Variants in REEP1 observed in about 807,000 individuals in gnomAD.
REEP1 encodes the protein receptor accessory protein 1.
Under a neutral mutation model 40.3 loss-of-function variants are expected in REEP1, and 22 were observed. The ratio of observed to expected loss-of-function variants is 0.55; its 90% CI spans 0.39 to 0.78. The LOEUF (loss-of-function observed/expected upper bound fraction) is 0.78. Ranked by LOEUF, REEP1 falls within the 30% of genes least tolerant of loss-of-function variation. The pLI is 0.00. For synonymous variants in REEP1, 116 were observed against 139.2 expected, an observed-to-expected ratio of 0.83 and a Z score of 1.17; for missense variants, 280 against 361.1, an observed-to-expected ratio of 0.78 and a Z score of 1.82.
At chr2:86,239,556 G>A (rs1319159723) in intron 5 of REEP1, among the ~76,000 whole-genome samples, 4 of 152,158 alleles carry the variant, frequency 2.6e-5, no homozygotes, top group Non-Finnish European at 5.9e-5. Context: ...CAAACCCCAT[G>A]GGGTGCCCGC....
intron 1 of REEP1, among the ~76,000 whole-genome samples, chr2:86,288,463 G>T (rs1266358597): frequency 6.6e-6 from 1 of 152,148 alleles, no homozygotes; most frequent in Non-Finnish European, 1.5e-5. Flanking sequence ...AGTTTTTTTA[G>T]ATTCTTTTTA....
chr2:86,248,210 G>A (rs1448235048), intron 5 of REEP1, among the ~76,000 whole-genome samples: 5 of 152,144 alleles, frequency 3.3e-5, no homozygotes, highest in Non-Finnish European at 5.9e-5. Context: ...TCTCTTCCAG[G>A]AATGATCCTA....
intron 1 of REEP1, among the ~76,000 whole-genome samples, chr2:86,290,142 G>A (rs759149325): frequency 5.3e-5 from 8 of 152,152 alleles, no homozygotes; most frequent in Middle Eastern, 3.4e-3. Context: ...GATTACAGGC[G>A]TGCACCACCA....
chr2:86,295,666 A>C (rs1197639337), intron 1 of REEP1, among the ~76,000 whole-genome samples: 1 of 152,082 alleles, frequency 6.6e-6, no homozygotes, highest in Non-Finnish European at 1.5e-5. Flanking sequence ...CAGCCTCCCG[A>C]GTAGCTGGGA....
At chr2:86,306,118 T>C (rs1042531777) in intron 1 of REEP1, among the ~76,000 whole-genome samples, 2 of 152,184 alleles carry the variant, frequency 1.3e-5, no homozygotes, top group African/African-American at 4.8e-5. Flanking sequence ...CCATCACCTT[T>C]GAATGACACC....
At chr2:86,220,956 G>GCCCCTAC (rs1674390998) in intron 7 of REEP1, among the ~76,000 whole-genome samples, 1 of 152,106 alleles carries the variant, frequency 6.6e-6, no homozygotes, top group Admixed American at 6.6e-5. Context: ...AATATCTTCT[G>GCCCCTAC]CCCCTACCCA....
chr2:86,290,965 A>G (rs900849617), intron 1 of REEP1, among the ~76,000 whole-genome samples: 1 of 152,206 alleles, frequency 6.6e-6, no homozygotes, highest in Non-Finnish European at 1.5e-5. Context: ...GGTTCCCTAA[A>G]GACTGTATTA....
At chr2:86,251,923 G>T in intron 5 of REEP1, 34 bp downstream of exon 5, 1 of 1,421,864 alleles carries the variant, frequency 7.0e-7, no homozygotes, top group South Asian at 1.1e-5. Flanking sequence ...GAGGGACTGA[G>T]ACTCATGTAG....
chr2:86,309,596 G>A (rs1448405983), intron 1 of REEP1, among the ~76,000 whole-genome samples: 1 of 152,192 alleles, frequency 6.6e-6, no homozygotes, highest in Non-Finnish European at 1.5e-5. Context: ...CTGGAAGCTG[G>A]AGGTCTGTGA....
At position 86,318,149 on chromosome 2, in the gene REEP1, A is replaced by C. The variant is rs189220838; in HGVS notation, c.32+19330T>G. Reference sequence around the variant, plus strand: ...TGGATTTTGGATATTATACAATAAAATGTGTCAACATTTGAAGATCTGCAT... The same window carrying C: ...TGGATTTTGGATATTATACAATAAACTGTGTCAACATTTGAAGATCTGCAT... On this transcript the variant is annotated intron_variant, in intron 1 of 8. Coordinates refer to ENST00000538924, the MANE Select transcript of REEP1 (RefSeq NM_001371279.1). Among the ~76,000 whole-genome samples, 4 of 152,290 alleles carry C rather than the reference A, an allele frequency of 2.6e-5. No individual in the cohort carries two copies. The East Asian group carries it at 7.7e-4, about 29-fold the overall frequency.
intron 5 of REEP1, among the ~76,000 whole-genome samples, chr2:86,239,208 C>CA (rs35714309): frequency 0.034 from 1,998 of 58,318 alleles, 115 homozygotes; most frequent in African/African-American, 0.11. Context: ...CCATCTAGAC[C>CA]AAAAAAAAAA....
chr2:86,334,663 T>G (rs75539851), intron 1 of REEP1, among the ~76,000 whole-genome samples: 6,453 of 152,224 alleles, frequency 0.042, 175 homozygotes, highest in East Asian at 0.07. Context: ...AGAACCCCAA[T>G]ATATAAGACA....
At chr2:86,309,429 A>G (rs58414682) in intron 1 of REEP1, among the ~76,000 whole-genome samples, 4,165 of 152,252 alleles carry the variant, frequency 0.027, 195 homozygotes, top group African/African-American at 0.093. Context: ...CTTCATGTAA[A>G]CTGCTCTTCA....
intron 1 of REEP1, among the ~76,000 whole-genome samples, chr2:86,293,029 T>C (rs56742104): frequency 0.11 from 16,164 of 152,222 alleles, 1,679 homozygotes; most frequent in African/African-American, 0.27. Context: ...TACTATCCAT[T>C]CCCTCTTACA....
intron 8 of REEP1, among the ~76,000 whole-genome samples, chr2:86,218,381 G>C (rs1046849644): frequency 6.6e-6 from 1 of 152,198 alleles, no homozygotes; most frequent in African/African-American, 2.4e-5. Flanking sequence ...AAGTGGCTCA[G>C]TGCTGGGCAG....
intron 3 of REEP1, among the ~76,000 whole-genome samples, chr2:86,259,161 G>C (rs1394268388): frequency 6.6e-6 from 1 of 151,524 alleles, no homozygotes; most frequent in Non-Finnish European, 1.5e-5. Context: ...ATGGTGGCAC[G>C]TGCCTGTAGT....
chr2:86,290,987 A>C (rs899851997), intron 1 of REEP1, among the ~76,000 whole-genome samples: 3 of 152,304 alleles, frequency 2.0e-5, no homozygotes, highest in Admixed American at 6.5e-5. Context: ...TGTGACTTAT[A>C]AGCCATTTAT....
chr2:86,337,433 G>A lies in REEP1; in HGVS notation c.32+46C>T. On this transcript the variant is annotated intron_variant, in intron 1 of 8. Coordinates refer to ENST00000538924, the MANE Select transcript of REEP1 (RefSeq NM_001371279.1). The surrounding 1 kb of genome is among the most constrained non-coding windows in gnomAD (Gnocchi z 5.8). ...GGGCGCGCGCAGCCCGGGGCCGGGG[G>A]CGGGGAGGGAGGGGACGGAGGGGCG... 1.7e-6 allele frequency: 2 copies of A among 1,199,342 alleles called. No individual in the cohort carries two copies. The highest frequency in any genetic ancestry group is 3.3e-5 in the South Asian group (1 of 30,474). The allele number at this position is 1,199,342 out of a possible 1,614,324, so 74.3% of individuals were successfully genotyped here.
intron 5 of REEP1, among the ~76,000 whole-genome samples, chr2:86,244,987 A>G (rs1252017166): frequency 1.3e-5 from 2 of 152,108 alleles, no homozygotes; most frequent in African/African-American, 4.8e-5. Flanking sequence ...TCTACTAAAC[A>G]ATACAAAAAC....
Sources: allele counts gnomAD v4.1 joint callset (sites outside exome capture counted in the v4.1 genomes callset), GRCh38; gene constraint gnomAD v4.1.1; non-coding constraint Gnocchi (gnomAD v3.1); transcripts MANE v1.5; gene names NCBI Gene and HGNC (gene_info 2026-07-23, HGNC 2026-07-21).